Variants in NR1D2 observed in about 807,000 individuals in gnomAD.
NR1D2 encodes nuclear receptor subfamily 1 group D member 2.
A neutral mutation model predicts 52.2 loss-of-function variants in NR1D2; 25 were observed. The observed-to-expected ratio is 0.48, with a 90% CI of 0.35 to 0.67. The LOEUF (loss-of-function observed/expected upper bound fraction) is 0.67. NR1D2 is among the 30% of genes least tolerant of loss of function. The pLI, the probability that NR1D2 is intolerant of heterozygous loss-of-function variation, is 0.01. For synonymous variants in NR1D2, 259 were observed against 230.1 expected (o/e 1.13, Z -1.14); for missense variants, 681 against 707.2 (o/e 0.96, Z 0.42).
chr3:23,959,544 C>G, intron 3 of NR1D2, 127 bp from the exon 4 acceptor site: 2 of 797,636 alleles, frequency 2.5e-6, no homozygotes, highest in Non-Finnish European at 2.0e-6. Flanking sequence ...CATAGTGTTT[C>G]CCAGATAGTG....
At chr3:23,972,833 T>A (rs1706626407) in intron 7 of NR1D2, among the ~76,000 whole-genome samples, 3 of 152,238 alleles carry the variant, frequency 2.0e-5, no homozygotes, top group Non-Finnish European at 1.5e-5. Context: ...GCCAGGTTTG[T>A]ACCTTAGGTT....
rs1341579200 is a variant in NR1D2 at position 23,967,815 on chromosome 3, T to G, written c.1335T>G (p.Val445=). 5 of 1,610,802 alleles carry G rather than the reference T, an allele frequency of 3.1e-6. No individual in the cohort carries two copies. The highest frequency in any genetic ancestry group is 2.5e-6 in the Non-Finnish European group (3 of 1,178,110). ...VNLLKAGTFE[V]LMVRFASLFD... The stretch of plus-strand genomic sequence containing the variant: ...TACATTTCTTTTTCTTTTTCCAGGT[T>G]TTAATGGTACGGTTCGCATCATTAT... The change falls in exon 7 of 8, where the codon GTT becomes GTG. Residue 445 remains valine, a splice_region_variant and synonymous_variant. Transcript: ENST00000312521.
At chr3:23,965,238 T>G in intron 6 of NR1D2, 76 bp downstream of exon 6, 1 of 742,846 alleles carries the variant, frequency 1.3e-6, no homozygotes, top group Non-Finnish European at 1.9e-6. Flanking sequence ...TTTAATTCTT[T>G]TTTTTTTTTT....
At chr3:23,954,318 C>T (rs1362809304) in intron 1 of NR1D2, among the ~76,000 whole-genome samples, 4 of 152,172 alleles carry the variant, frequency 2.6e-5, no homozygotes, top group Non-Finnish European at 2.9e-5. Flanking sequence ...GCCTATCTCC[C>T]TTTTTAAATC....
In NR1D2 at chr3:23,948,073, C is replaced by T. The variant is rs1431778265; in HGVS notation, c.16+2479C>T. 2.0e-5 allele frequency among the ~76,000 whole-genome samples: 3 copies of T among 151,230 alleles called. No individual in the cohort carries two copies. The East Asian group carries it at 5.8e-4, about 29-fold the overall frequency. ...TGAAGATTGCAGTGAGCCGACATCG[C>T]GCTACTGCACTCCAGCCTGGGCGAC... On this transcript the variant is annotated intron_variant, in intron 1 of 7. Coordinates refer to ENST00000312521, the MANE Select transcript of NR1D2 (RefSeq NM_005126.5).
At position 23,975,308 on chromosome 3, in the gene NR1D2, A is replaced by G. The variant is rs550252488; in HGVS notation, c.1544-1915A>G. Reference sequence around the variant, plus strand: ...AATTAAATTTTTTTTTTTTTTTGTAAAGACAAAGACTCACTATGTTGCTCA... The same window carrying G: ...AATTAAATTTTTTTTTTTTTTTGTAGAGACAAAGACTCACTATGTTGCTCA... On this transcript the variant is annotated intron_variant, in intron 7 of 7. Transcript: ENST00000312521. Among the ~76,000 whole-genome samples, 685 of 149,160 alleles carry G rather than the reference A, an allele frequency of 4.6e-3. 6 individuals are homozygous for G. The highest frequency in any genetic ancestry group is 7.6e-3 in the Non-Finnish European group (515 of 67,382).
intron 4 of NR1D2, among the ~76,000 whole-genome samples, chr3:23,960,610 GT>G (rs2125289804): frequency 6.6e-6 from 1 of 152,284 alleles, no homozygotes; most frequent in East Asian, 1.9e-4. Context: ...GGGATTACAG[GT>G]GTGAGCCATC....
chr3:23,947,855 C>G (rs1173781442), intron 1 of NR1D2, among the ~76,000 whole-genome samples: 1 of 152,184 alleles, frequency 6.6e-6, no homozygotes, highest in Non-Finnish European at 1.5e-5. Context: ...CAGTGGCTCA[C>G]GCCTGTAATC....
chr3:23,955,595 TG>T (rs928069599), intron 2 of NR1D2, among the ~76,000 whole-genome samples: 1 of 151,824 alleles, frequency 6.6e-6, no homozygotes, highest in African/African-American at 2.4e-5. Flanking sequence ...GGAGGCTGAG[TG>T]GGGCGGAGTC....
chr3:23,960,297 C>T (rs1016844592), intron 4 of NR1D2, among the ~76,000 whole-genome samples: 7 of 151,824 alleles, frequency 4.6e-5, no homozygotes, highest in African/African-American at 1.2e-4. Context: ...CCCAGTTACT[C>T]GGGAGGCTAA....
At chr3:23,970,924 G>A (rs1208032185) in intron 7 of NR1D2, among the ~76,000 whole-genome samples, 1 of 152,082 alleles carries the variant, frequency 6.6e-6, no homozygotes, top group Non-Finnish European at 1.5e-5. Flanking sequence ...TGGGATTACA[G>A]GCATGCACTA....
At chr3:23,948,103 G>A (rs990101281) in intron 1 of NR1D2, among the ~76,000 whole-genome samples, 4 of 149,810 alleles carry the variant, frequency 2.7e-5, no homozygotes, top group African/African-American at 7.5e-5. Flanking sequence ...GGCGACAAGA[G>A]CGAGACTCCC....
chr3:23,959,906 G>T, intron 4 of NR1D2, 91 bp downstream of exon 4: 3 of 1,197,002 alleles, frequency 2.5e-6, no homozygotes, highest in Non-Finnish European at 3.4e-6. Flanking sequence ...CGGTTACCAA[G>T]GACCCTCTTG....
In NR1D2 at chr3:23,945,493, C is replaced by A; in HGVS notation, c.-86C>A. The A allele has an allele frequency of 1.2e-6, 1 of 855,738 alleles. No homozygotes were observed. Among genetic ancestry groups the A allele is most frequent in the Non-Finnish European group, 1.5e-6 (1 of 688,892 alleles). 53.0% of individuals were successfully genotyped at this position (855,738 alleles called of 1,614,324 possible). A position where few individuals can be genotyped will look rare whatever the true frequency, so the allele number is the denominator to read the frequency against. On this transcript the variant is annotated 5_prime_UTR_variant, in exon 1 of 8. Coordinates refer to ENST00000312521, the MANE Select transcript of NR1D2 (RefSeq NM_005126.5). ...CCCGCGACCACCGCTGCTTCCAGCC[C>A]GGGGCGGCGCGGCGCTGAGGCGGCG...
At chr3:23,976,018 G>A (rs1272643831) in intron 7 of NR1D2, among the ~76,000 whole-genome samples, 1 of 152,090 alleles carries the variant, frequency 6.6e-6, no homozygotes, top group African/African-American at 2.4e-5. Flanking sequence ...CCCATGTGGG[G>A]GACCATTGAA....
chr3:23,968,729 C>A (rs1300915607), intron 7 of NR1D2, among the ~76,000 whole-genome samples: 1 of 152,190 alleles, frequency 6.6e-6, no homozygotes, highest in Non-Finnish European at 1.5e-5. Context: ...TTATTTCTGA[C>A]AGTACCCATT....
chr3:23,950,514 A>C (rs138784462), intron 1 of NR1D2, among the ~76,000 whole-genome samples: 1,660 of 152,302 alleles, frequency 0.011, 30 homozygotes, highest in African/African-American at 0.037. Context: ...TACTAGATGT[A>C]CTCCTTTTCT....
intron 1 of NR1D2, chr3:23,946,197 C>T (rs1705697727): frequency 1.0e-5 from 10 of 985,286 alleles, no homozygotes; most frequent in African/African-American, 1.7e-5. Context: ...GGCGGGGCGT[C>T]CCCGAAGCGG....
intron 5 of NR1D2, among the ~76,000 whole-genome samples, chr3:23,964,143 A>C (rs1706374661): frequency 6.7e-6 from 1 of 149,802 alleles, no homozygotes; most frequent in Admixed American, 6.7e-5. Context: ...CAGTGGTATG[A>C]TCTCGGCTCA....
Sources: gnomAD v4.1 joint callset for allele counts (sites outside exome capture counted in the v4.1 genomes callset) on GRCh38, gnomAD v4.1.1 for gene constraint, MANE v1.5 for transcripts, NCBI Gene and HGNC (gene_info 2026-07-23, HGNC 2026-07-21) for gene names.